KIRREL3: variants seen among roughly 807,000 people sequenced by gnomAD.
The protein encoded by KIRREL3 is kin of IRRE-like protein 3.
In KIRREL3, 36 loss-of-function variants were observed where a neutral mutation model predicts 89.7. That is an observed-to-expected ratio of 0.40 (90% confidence interval 0.31 to 0.53). The LOEUF (loss-of-function observed/expected upper bound fraction) is 0.53, where lower values mean the gene tolerates loss of function less well. KIRREL3 is among the 20% of genes least tolerant of loss of function. KIRREL3 has a pLI of 0.49. For missense variants in KIRREL3, 864 were observed against 1,056.6 expected (o/e 0.82, Z 2.53); for synonymous variants, 445 against 441.4 (o/e 1.01, Z -0.10).
chr11:126,532,932 A>T (rs1184503082), intron 2 of KIRREL3, among the ~76,000 whole-genome samples: 1 of 151,914 alleles, frequency 6.6e-6, no homozygotes, highest in African/African-American at 2.4e-5. Flanking sequence ...TGTATCATAA[A>T]TATTTTTATT....
chr11:126,559,274 A>G lies in KIRREL3; in HGVS notation c.133+3561T>C, dbSNP rs188318126. On this transcript the variant is annotated intron_variant, in intron 2 of 16. Coordinates refer to ENST00000525144, the MANE Select transcript of KIRREL3 (RefSeq NM_032531.4). ...GCTCTATCTGAGGCGCTCCTTTTCA[A>G]TACCTACCTGACACCTGTGGGGACT... Among the ~76,000 whole-genome samples, 29 of 152,302 alleles carry G rather than the reference A, an allele frequency of 1.9e-4. 1 individual carries two copies. The highest frequency in any genetic ancestry group is 1.4e-3 in the Admixed American group (21 of 15,308).
rs1217632200 is a variant in KIRREL3, at chr11:126,664,955, G to A, written c.56-102043C>T. Among the ~76,000 whole-genome samples, 1 of 152,148 alleles carries A rather than the reference G, an allele frequency of 6.6e-6. No individual in the cohort carries two copies. Among genetic ancestry groups the A allele is most frequent in the African/African-American group, 2.4e-5 (1 of 41,432 alleles). ...ACTGTGCTCTTACTCTGCAGCCTTC[G>A]ACACATTATTCATAACATGATGATT... On this transcript the variant is annotated intron_variant, in intron 1 of 16. Transcript: ENST00000525144. This position sits in a 1 kb window ranked among gnomAD's most constrained non-coding sequence, Gnocchi z 5.4.
intron 1 of KIRREL3, among the ~76,000 whole-genome samples, chr11:126,688,826 A>C (rs1363051742): frequency 1.3e-5 from 2 of 152,206 alleles, no homozygotes; most frequent in Non-Finnish European, 2.9e-5. Context: ...GAGAGATGAC[A>C]TGATAGCTGT....
At chr11:126,966,528 T>G (rs1387542470) in intron 1 of KIRREL3, among the ~76,000 whole-genome samples, 1 of 152,180 alleles carries the variant, frequency 6.6e-6, no homozygotes, top group Non-Finnish European at 1.5e-5. Context: ...GCCTTCACAC[T>G]TTAGGCCGCA....
intron 2 of KIRREL3, among the ~76,000 whole-genome samples, chr11:126,548,880 C>T (rs1319995325): frequency 6.6e-6 from 1 of 152,176 alleles, no homozygotes; most frequent in African/African-American, 2.4e-5. Flanking sequence ...AATACCTGCT[C>T]CCTTCCACAT....
chr11:126,572,276 G>T (rs1430744025), intron 1 of KIRREL3, among the ~76,000 whole-genome samples: 1 of 152,180 alleles, frequency 6.6e-6, no homozygotes, highest in African/African-American at 2.4e-5. Context: ...TTGAGGCCAA[G>T]ATCTTTGCAA....
At chr11:126,500,762 A>G (rs1957830970) in intron 4 of KIRREL3, among the ~76,000 whole-genome samples, 2 of 151,760 alleles carry the variant, frequency 1.3e-5, no homozygotes, top group Admixed American at 1.3e-4. Context: ...AAAGAAAAAG[A>G]AAAGAAAAAC....
At chr11:126,922,832 C>T (rs1190579959) in intron 1 of KIRREL3, among the ~76,000 whole-genome samples, 1 of 152,174 alleles carries the variant, frequency 6.6e-6, no homozygotes. Context: ...CTTGCATTTC[C>T]CGGACTCATT....
chr11:126,956,210 G>T (rs1218177216), intron 1 of KIRREL3, among the ~76,000 whole-genome samples: 4 of 152,172 alleles, frequency 2.6e-5, no homozygotes, highest in Non-Finnish European at 5.9e-5. Flanking sequence ...TGAAGGCCAG[G>T]CATCGAGCCG....
chr11:126,818,947 C>T (rs758198128), intron 1 of KIRREL3, among the ~76,000 whole-genome samples: 2 of 152,128 alleles, frequency 1.3e-5, no homozygotes, highest in Non-Finnish European at 2.9e-5. Flanking sequence ...CTGTCCTGGT[C>T]CAATGCCTAA....
At chr11:126,536,921 C>G (rs1444541342) in intron 2 of KIRREL3, among the ~76,000 whole-genome samples, 1 of 152,152 alleles carries the variant, frequency 6.6e-6, no homozygotes, top group Non-Finnish European at 1.5e-5. Context: ...GTTGGGATTA[C>G]AGGCATGAGC....
In KIRREL3 at chr11:126,471,052, A is replaced by T. The variant is rs1238137633; in HGVS notation, c.591+2257T>A. On this transcript the variant is annotated intron_variant, in intron 5 of 16. Coordinates refer to ENST00000525144, the MANE Select transcript of KIRREL3 (RefSeq NM_032531.4). This position sits in a 1 kb window ranked among gnomAD's most constrained non-coding sequence, Gnocchi z 5.4. ...AGGGAGGCCAACAGATCAGGAGACA[A>T]CTGCCGTTGAAAAGACAGTTTGCGG... Among the ~76,000 whole-genome samples the T allele has an allele frequency of 1.3e-5, 2 of 152,152 alleles. No individual in the cohort carries two copies. The highest frequency in any genetic ancestry group is 2.9e-5 in the Non-Finnish European group (2 of 68,042).
intron 9 of KIRREL3, among the ~76,000 whole-genome samples, chr11:126,446,294 C>CTTTT (rs1955805718): frequency 1.4e-5 from 2 of 146,708 alleles, no homozygotes; most frequent in Middle Eastern, 7.1e-3. Flanking sequence ...TCCTTTCTTT[C>CTTTT]TTTCTTTCTC....
In KIRREL3 at chr11:126,867,045, C is replaced by T. The variant is rs549822216; in HGVS notation, c.55+133410G>A. On this transcript the variant is annotated intron_variant, in intron 1 of 16. Transcript: ENST00000525144. This position sits in a 1 kb window ranked among gnomAD's most constrained non-coding sequence, Gnocchi z 4.7. ...TGAGCTGGTTAACACAAGCTGCCAA[C>T]GGACAGCTAAACTGAAAGAGCACAC... Among the ~76,000 whole-genome samples the T allele has an allele frequency of 2.4e-4, 37 of 152,340 alleles. No individual in the cohort carries two copies. Among genetic ancestry groups the T allele is most frequent in the African/African-American group, 8.7e-4 (36 of 41,574 alleles).
At position 126,568,234 on chromosome 11, in the gene KIRREL3, G is replaced by A. The variant is rs191943637; in HGVS notation, c.56-5322C>T. 1.5e-3 allele frequency among the ~76,000 whole-genome samples: 231 copies of A among 150,684 alleles called. 4 individuals are homozygous for A. The highest frequency in any genetic ancestry group is 6.1e-3 in the South Asian group (29 of 4,768). ...GGAGCCACGCAGAATGCTAGGCAGG[G>A]GAAAGACAGGTGAGACTTGCATTTC... On this transcript the variant is annotated intron_variant, in intron 1 of 16. Transcript: ENST00000525144. The surrounding 1 kb of genome is among the most constrained non-coding windows in gnomAD (Gnocchi z 4.6).
chr11:126,925,892 G>T (rs916908722), intron 1 of KIRREL3, among the ~76,000 whole-genome samples: 18 of 152,196 alleles, frequency 1.2e-4, no homozygotes, highest in African/African-American at 4.3e-4. Context: ...AGAGAACAGG[G>T]CTTTCTGCCA....
At chr11:126,435,429 C>G in intron 12 of KIRREL3, 126 bp from the exon 13 acceptor site, 1 of 914,502 alleles carries the variant, frequency 1.1e-6, no homozygotes. Context: ...CTCTGGGACC[C>G]CCCAACAGAT....
In KIRREL3 at chr11:126,515,318, T is replaced by C. The variant is rs1367496938; in HGVS notation, c.433+5997A>G. ...AACAAAAATTAGCTGGGTGAGGTGGTGCATGCCTGTGGTCTCAGCTACTCG... is the reference window on the plus strand; with the variant it reads ...AACAAAAATTAGCTGGGTGAGGTGGCGCATGCCTGTGGTCTCAGCTACTCG... On this transcript the variant is annotated intron_variant, in intron 4 of 16. Transcript: ENST00000525144. This position sits in a 1 kb window ranked among gnomAD's most constrained non-coding sequence, Gnocchi z 4.2. Among the ~76,000 whole-genome samples the C allele has an allele frequency of 1.3e-5, 2 of 151,940 alleles. No homozygotes were observed. Among genetic ancestry groups the C allele is most frequent in the Non-Finnish European group, 2.9e-5 (2 of 67,974 alleles).
At position 126,817,384 on chromosome 11, in the gene KIRREL3, G is replaced by T. The variant is rs974315360; in HGVS notation, c.55+183071C>A. ...GTCAACAGAAGCTGATGGTGACTTA[G>T]CTGGCATGCTGGCCATGGGATGCGA... is the stretch of plus-strand genomic sequence containing the variant. On this transcript the variant is annotated intron_variant, in intron 1 of 16. Transcript: ENST00000525144. This position sits in a 1 kb window ranked among gnomAD's most constrained non-coding sequence, Gnocchi z 5.7. 4.6e-5 allele frequency among the ~76,000 whole-genome samples: 7 copies of T among 152,222 alleles called. No individual in the cohort carries two copies. The highest frequency in any genetic ancestry group is 1.7e-4 in the African/African-American group (7 of 41,464).
Sources: allele counts gnomAD v4.1 joint callset (sites outside exome capture counted in the v4.1 genomes callset), GRCh38; gene constraint gnomAD v4.1.1; non-coding constraint Gnocchi (gnomAD v3.1); transcripts MANE v1.5; gene names NCBI Gene and HGNC (gene_info 2026-07-23, HGNC 2026-07-21).